Variants in TRPC5 observed in about 807,000 individuals in gnomAD.
TRPC5 encodes the protein transient receptor potential cation channel subfamily C member 5.
Under a neutral mutation model 56.5 loss-of-function variants are expected in TRPC5, and 9 were observed. The observed-to-expected ratio is 0.16, with a 90% CI of 0.10 to 0.28. The LOEUF is 0.28. TRPC5 is among the 10% of genes least tolerant of loss of function. The pLI, the probability that TRPC5 is intolerant of heterozygous loss-of-function variation, is 1.00. For synonymous variants in TRPC5, 282 were observed against 278.5 expected (o/e 1.01, Z -0.13); for missense variants, 469 against 748.9 (o/e 0.63, Z 4.36).
At chrX:111,847,466 G>A in intron 5 of TRPC5, 30 bp from the exon 6 acceptor site, 1 of 1,154,552 alleles carries the variant, frequency 8.7e-7, no homozygotes, top group Non-Finnish European at 1.2e-6. Flanking sequence ...CACAAGATGA[G>A]GGGTACAGTG....
In TRPC5 at chrX:111,929,392, G is replaced by GT. The variant is rs1454099989; in HGVS notation, c.379-16581dup. ...TGTTCCATCAAATTAGCATTGGCAT[G>GT]TTTAACTCTTTCTGAGGCTAGAGAT... On this transcript the variant is annotated intron_variant, in intron 2 of 10. Transcript: ENST00000262839. Among the ~76,000 whole-genome samples, 3 of 112,565 alleles carry GT rather than the reference G, an allele frequency of 2.7e-5. No homozygotes were observed. In the Admixed American group the frequency reaches 2.8e-4, roughly 11 times the overall value.
intron 5 of TRPC5, among the ~76,000 whole-genome samples, chrX:111,851,212 A>T (rs1170033348): frequency 8.9e-6 from 1 of 112,443 alleles, no homozygotes; most frequent in East Asian, 2.8e-4. Context: ...CATATTAGGG[A>T]TACAAAAATA....
At chrX:111,943,783 G>A (rs1569528405) in intron 2 of TRPC5, among the ~76,000 whole-genome samples, 1 of 111,931 alleles carries the variant, frequency 8.9e-6, no homozygotes, top group Non-Finnish European at 1.9e-5. Context: ...GGCAACAGAC[G>A]GGAGAGCATT....
intron 3 of TRPC5, among the ~76,000 whole-genome samples, chrX:111,894,815 G>C (rs1177285358): frequency 9.0e-6 from 1 of 111,656 alleles, no homozygotes; most frequent in Non-Finnish European, 1.9e-5. Context: ...TTTAACATAT[G>C]TGATTATATC....
At position 111,987,309 on chromosome X, in the gene TRPC5, C is replaced by G. The variant is rs189560095; in HGVS notation, c.-21-34868G>C. On this transcript the variant is annotated intron_variant, in intron 1 of 10. Transcript: ENST00000262839. ...GTTACTTTTAAGCAAATTAACATAA[C>G]AGTCATCTCATATAATTACCTTTCT... Among the ~76,000 whole-genome samples the G allele has an allele frequency of 4.5e-5, 5 of 111,353 alleles. No individual in the cohort carries two copies. In the East Asian group the frequency reaches 8.4e-4, roughly 19 times the overall value.
intron 7 of TRPC5, among the ~76,000 whole-genome samples, chrX:111,793,173 C>T (rs780291695): frequency 9.0e-6 from 1 of 111,005 alleles, no homozygotes; most frequent in African/African-American, 3.3e-5. Flanking sequence ...ATCCTACCAA[C>T]CCTCCTTTTA....
chrX:112,019,725 G>A (rs1929224645), intron 1 of TRPC5, among the ~76,000 whole-genome samples: 1 of 111,747 alleles, frequency 8.9e-6, no homozygotes. Context: ...GTGAGCCACC[G>A]TGCCTGGCCA....
At chrX:111,835,805 C>T (rs755288605) in intron 6 of TRPC5, among the ~76,000 whole-genome samples, 13 of 111,603 alleles carry the variant, frequency 1.2e-4, no homozygotes, top group African/African-American at 2.3e-4. Flanking sequence ...TTTTGTGGCT[C>T]TCACAGGACC....
chrX:112,042,347 T>C (rs1401524088), intron 1 of TRPC5, among the ~76,000 whole-genome samples: 1 of 111,258 alleles, frequency 9.0e-6, no homozygotes, highest in African/African-American at 3.3e-5. Flanking sequence ...GGGTGCCACA[T>C]TGGACCTGGG....
chrX:111,903,626 T>C (rs1271622863), intron 3 of TRPC5: 1 of 111,872 alleles, frequency 8.9e-6, no homozygotes, highest in Non-Finnish European at 1.9e-5. Context: ...ATGGAGTGAG[T>C]GGCTGATCCT....
chrX:111,944,267 AGTGTGTGTGTGT>A lies in TRPC5; in HGVS notation c.378+7764_378+7775del, dbSNP rs36057312. Among the ~76,000 whole-genome samples, 294 of 71,744 alleles carry A rather than the reference AGTGTGTGTGTGT, an allele frequency of 4.1e-3. 3 individuals are homozygous for A. The highest frequency in any genetic ancestry group is 0.017 in the African/African-American group (284 of 17,138). The allele number at this position is 71,744 out of a possible 115,157, so 62.3% of individuals were successfully genotyped here. A position where few individuals can be genotyped will look rare whatever the true frequency, so the allele number is the denominator to read the frequency against. On this transcript the variant is annotated intron_variant, in intron 2 of 10. Transcript: ENST00000262839. ...GGCCAAGGAGGTGTGGGAGTAGAAGAGTGTGTGTGTGTGTGTGTGTGTGTGTGTGTGTGTGTG... is the reference window on the plus strand; with the variant it reads ...GGCCAAGGAGGTGTGGGAGTAGAAGAGTGTGTGTGTGTGTGTGTGTGTGTG...
chrX:111,995,172 G>A (rs919271872), intron 1 of TRPC5, among the ~76,000 whole-genome samples: 11 of 111,614 alleles, frequency 9.9e-5, no homozygotes, highest in South Asian at 3.8e-4. Flanking sequence ...TTTTTAGTAC[G>A]AATGGCTCTT....
At chrX:112,067,814 C>T (rs1249407415) in intron 1 of TRPC5, among the ~76,000 whole-genome samples, 2 of 112,133 alleles carry the variant, frequency 1.8e-5, no homozygotes, top group African/African-American at 6.5e-5. Flanking sequence ...ATGGGAGGAA[C>T]GCCAGGTGCA....
In TRPC5 at chrX:111,799,008, T is replaced by A. The variant is rs1921211674; in HGVS notation, c.1897-16870A>T. Among the ~76,000 whole-genome samples, 3 of 111,873 alleles carry A rather than the reference T, an allele frequency of 2.7e-5. No individual in the cohort carries two copies. In the South Asian group the frequency reaches 1.2e-3, roughly 43 times the overall value. On this transcript the variant is annotated intron_variant, in intron 7 of 10. Transcript: ENST00000262839. ...AGTGGCAGCTGACGAGTTTGCAGAC[T>A]CTTCTTGAAGAGAAAGGATATCTGC... is the stretch of plus-strand genomic sequence containing the variant.
chrX:111,900,427 T>C (rs1483661933), intron 3 of TRPC5, among the ~76,000 whole-genome samples: 4 of 111,969 alleles, frequency 3.6e-5, no homozygotes, highest in Middle Eastern at 9.2e-3. Context: ...TGATCAGCCA[T>C]ATAGACCTGG....
Position 111,897,479 on chromosome X carries a change from C to T in TRPC5, c.900+14812G>A, listed in dbSNP as rs142150816. Among the ~76,000 whole-genome samples, 476 of 111,085 alleles carry T rather than the reference C, an allele frequency of 4.3e-3. 3 individuals carry two copies. Among genetic ancestry groups the T allele is most frequent in the African/African-American group, 0.015 (456 of 30,586 alleles). ...CGCATTCTCCTGTGTAACCCACAAC[C>T]GTACCTAAACATGATCATTACCATC... On this transcript the variant is annotated intron_variant, in intron 3 of 10. Coordinates refer to ENST00000262839, the MANE Select transcript of TRPC5 (RefSeq NM_012471.3).
chrX:111,971,532 G>A (rs1037214127), intron 1 of TRPC5, among the ~76,000 whole-genome samples: 1 of 111,371 alleles, frequency 9.0e-6, no homozygotes, highest in Non-Finnish European at 1.9e-5. Flanking sequence ...AGCCTCTTGA[G>A]TGCTGTTTCC....
chrX:111,877,216 A>G (rs971611388), intron 3 of TRPC5, among the ~76,000 whole-genome samples: 4 of 111,914 alleles, frequency 3.6e-5, no homozygotes, highest in African/African-American at 6.5e-5. Flanking sequence ...GTGACGTTAA[A>G]GAAGATATTT....
chrX:112,079,035 G>A (rs1198706718), intron 1 of TRPC5, among the ~76,000 whole-genome samples: 1 of 111,970 alleles, frequency 8.9e-6, no homozygotes, highest in African/African-American at 3.2e-5. Flanking sequence ...TGCAAACTTT[G>A]TCATACCTTT....
Sources: allele counts gnomAD v4.1 joint callset (sites outside exome capture counted in the v4.1 genomes callset), GRCh38; gene constraint gnomAD v4.1.1; transcripts MANE v1.5; gene names NCBI Gene and HGNC (gene_info 2026-07-23, HGNC 2026-07-21).